HMCN1: variants seen among roughly 807,000 people sequenced by gnomAD.
The protein encoded by HMCN1 is hemicentin 1.
In HMCN1, 321 loss-of-function variants were observed where a neutral mutation model predicts 625.9. The observed-to-expected ratio is 0.51, with a 90% CI of 0.47 to 0.56. The LOEUF (loss-of-function observed/expected upper bound fraction) is 0.56, where lower values mean the gene tolerates loss of function less well. HMCN1 is among the 20% of genes least tolerant of loss of function. The pLI, the probability that HMCN1 is intolerant of heterozygous loss-of-function variation, is 0.00. For synonymous variants in HMCN1, 2,425 were observed against 2,417.6 expected, an observed-to-expected ratio of 1.00 and a Z score of -0.09; for missense variants, 6,588 against 6,887.3, an observed-to-expected ratio of 0.96 and a Z score of 1.54.
chr1:186,042,485 G>A (rs961255717), intron 40 of HMCN1, among the ~76,000 whole-genome samples: 1 of 152,082 alleles, frequency 6.6e-6, no homozygotes, highest in Non-Finnish European at 1.5e-5. Context: ...TAGCGTCAAG[G>A]GTGAACCTGG....
At chr1:185,964,043 T>C in intron 13 of HMCN1, 148 bp downstream of exon 13, 1 of 703,170 alleles carries the variant, frequency 1.4e-6, no homozygotes, top group Non-Finnish European at 2.4e-6. Flanking sequence ...GAAGCAAATA[T>C]TGTAACCAAT....
chr1:185,982,237 G>A, intron 17 of HMCN1, 25 bp from the exon 18 acceptor site: 2 of 1,613,214 alleles, frequency 1.2e-6, no homozygotes, highest in Non-Finnish European at 1.7e-6. Context: ...AGAGTTGAAA[G>A]TGCCTGTGCT....
intron 21 of HMCN1, 116 bp downstream of exon 21, chr1:185,989,763 C>T: frequency 2.2e-6 from 2 of 897,478 alleles, no homozygotes; most frequent in Non-Finnish European, 3.3e-6. Flanking sequence ...ACTGCTCCCC[C>T]AGATTTCTAT....
chr1:185,787,079 A>G (rs1461740275), intron 1 of HMCN1, among the ~76,000 whole-genome samples: 1 of 151,958 alleles, frequency 6.6e-6, no homozygotes, highest in Non-Finnish European at 1.5e-5. Flanking sequence ...GAATGTGTTT[A>G]TATGTGTGCA....
Position 186,007,301 on chromosome 1 carries a change from T to C in HMCN1, c.4630+19T>C. ...ATCTATAGTAAGTGCGATTGTCTTATGCTTTTTATTGTCTGCTCTCATTAT... is the reference window on the plus strand; with the variant it reads ...ATCTATAGTAAGTGCGATTGTCTTACGCTTTTTATTGTCTGCTCTCATTAT... On this transcript the variant is annotated intron_variant, in intron 30 of 106. Coordinates refer to ENST00000271588, the MANE Select transcript of HMCN1 (RefSeq NM_031935.3). 6.2e-7 allele frequency: 1 copy of C among 1,610,920 alleles called. No individual in the cohort carries two copies. Among genetic ancestry groups the C allele is most frequent in the Non-Finnish European group, 8.5e-7 (1 of 1,177,326 alleles).
At chr1:185,816,139 A>T (rs1659834148) in intron 1 of HMCN1, among the ~76,000 whole-genome samples, 1 of 140,504 alleles carries the variant, frequency 7.1e-6, no homozygotes, top group Non-Finnish European at 1.5e-5. Context: ...TAGCATGATC[A>T]TGGAATTTCT....
intron 104 of HMCN1, among the ~76,000 whole-genome samples, chr1:186,180,764 T>TTAAG (rs1174519831): frequency 6.6e-6 from 1 of 152,162 alleles, no homozygotes; most frequent in Non-Finnish European, 1.5e-5. Flanking sequence ...TACTGGATAT[T>TTAAG]TAAGTTTCTT....
Position 185,862,805 on chromosome 1 carries a change from G to T in HMCN1, c.340-1665G>T, listed in dbSNP as rs372178168. Among the ~76,000 whole-genome samples the T allele has an allele frequency of 3.9e-5, 6 of 152,132 alleles. 1 individual carries two copies. In the East Asian group the frequency reaches 5.8e-4, roughly 15 times the overall value. On this transcript the variant is annotated intron_variant, in intron 2 of 106. Coordinates refer to ENST00000271588, the MANE Select transcript of HMCN1 (RefSeq NM_031935.3). The stretch of plus-strand genomic sequence containing the variant: ...GTATATTTTCCAAAGTGAAGATCAG[G>T]TTACTACATCTTCTAGCCCCATGCA...
At chr1:186,070,874 G>A in intron 52 of HMCN1, 117 bp downstream of exon 52, 1 of 1,033,410 alleles carries the variant, frequency 9.7e-7, no homozygotes, top group Non-Finnish European at 1.5e-6. Flanking sequence ...CTTAAAACTA[G>A]CAAATGCCAT....
At chr1:185,797,965 CAAAAAAAAAAAAAAA>C (rs35031310) in intron 1 of HMCN1, among the ~76,000 whole-genome samples, 2 of 13,664 alleles carry the variant, frequency 1.5e-4, no homozygotes, top group Admixed American at 1.3e-3. Context: ...GACTCCGTCT[CAAAAAAAAAAAAAAA>C]AAAAAAAAAA....
At chr1:185,762,089 G>A (rs1484036506) in intron 1 of HMCN1, among the ~76,000 whole-genome samples, 5 of 151,984 alleles carry the variant, frequency 3.3e-5, no homozygotes, top group Non-Finnish European at 5.9e-5. Context: ...ATTTGCACTC[G>A]AGGAAAAAAA....
intron 41 of HMCN1, among the ~76,000 whole-genome samples, chr1:186,047,733 TA>T (rs1656670482): frequency 6.6e-6 from 1 of 152,110 alleles, no homozygotes; most frequent in South Asian, 2.1e-4. Context: ...AAAGATCTTT[TA>T]ATTGATTGAG....
rs1658206933 is a variant in HMCN1, at chr1:186,067,594, C to T, written c.7706-240C>T. Among the ~76,000 whole-genome samples, 4 of 152,068 alleles carry T rather than the reference C, an allele frequency of 2.6e-5. No homozygotes were observed. The South Asian group carries it at 8.3e-4, about 32-fold the overall frequency. On this transcript the variant is annotated intron_variant, in intron 49 of 106. Transcript: ENST00000271588. ...CCTTGCACCAGCATTCCCATTATTG[C>T]CCTTACTACATTGTGGTTTTTTTAT...
chr1:185,798,999 T>G (rs1233565625), intron 1 of HMCN1, among the ~76,000 whole-genome samples: 1 of 152,224 alleles, frequency 6.6e-6, no homozygotes, highest in Non-Finnish European at 1.5e-5. Context: ...GCATATACTA[T>G]TTCTTATTTT....
chr1:185,873,332 C>T (rs1663740237), intron 4 of HMCN1, among the ~76,000 whole-genome samples: 1 of 152,094 alleles, frequency 6.6e-6, no homozygotes, highest in Admixed American at 6.5e-5. Context: ...AAAGACAGTA[C>T]CTATTCTCCT....
intron 4 of HMCN1, among the ~76,000 whole-genome samples, chr1:185,897,173 T>C (rs188437499): frequency 1.1e-4 from 16 of 152,338 alleles, no homozygotes; most frequent in African/African-American, 3.8e-4. Context: ...CTCTTCTTCA[T>C]TTCCACTGTC....
At chr1:185,937,038 A>G (rs1419378790) in intron 11 of HMCN1, among the ~76,000 whole-genome samples, 3 of 152,232 alleles carry the variant, frequency 2.0e-5, no homozygotes, top group Non-Finnish European at 4.4e-5. Flanking sequence ...AATGAAGCAT[A>G]GGACTTAAGT....
intron 11 of HMCN1, among the ~76,000 whole-genome samples, chr1:185,959,903 T>G (rs1381378725): frequency 6.6e-6 from 1 of 152,216 alleles, no homozygotes; most frequent in East Asian, 1.9e-4. Flanking sequence ...TTCCATGTTC[T>G]TGCTCCATTG....
rs1250779075 is a variant in HMCN1, at chr1:186,022,672, CTA to C, written c.5626-356_5626-355del. On this transcript the variant is annotated intron_variant, in intron 35 of 106. Transcript: ENST00000271588. ...TTAATAAAAAGTCATTGTTTTAAAA[CTA>C]TGAATTTTTATATAAATGTGGCCAG... Among the ~76,000 whole-genome samples the C allele has an allele frequency of 2.0e-5, 3 of 151,754 alleles. No individual in the cohort carries two copies. In the South Asian group the frequency reaches 6.3e-4, roughly 32 times the overall value.
Sources: gnomAD v4.1 joint callset for allele counts (sites outside exome capture counted in the v4.1 genomes callset) on GRCh38, gnomAD v4.1.1 for gene constraint, MANE v1.5 for transcripts, NCBI Gene and HGNC (gene_info 2026-07-23, HGNC 2026-07-21) for gene names.